DHRSX: variants seen among roughly 807,000 people sequenced by gnomAD.
DHRSX encodes dehydrogenase/reductase X-linked.
In DHRSX, 31 loss-of-function variants were observed where a neutral mutation model predicts 34.0. That is an observed-to-expected ratio of 0.91 (90% CI 0.69 to 1.23). The LOEUF is 1.23. Among genes scored for constraint, DHRSX ranks in the 50% most tolerant of loss-of-function variants. The probability of loss-of-function intolerance (pLI) is 0.00; values close to 1 mark genes in which losing one functional copy is unlikely to be tolerated. For missense variants in DHRSX, 414 were observed against 428.1 expected (o/e 0.97, Z 0.29); for synonymous variants, 201 against 183.8 (o/e 1.09, Z -0.76).
chrX:2,398,311 C>T (rs1237922342), intron 3 of DHRSX, among the ~76,000 whole-genome samples: 1 of 152,170 alleles, frequency 6.6e-6, no homozygotes, highest in East Asian at 1.9e-4. Flanking sequence ...GTCAGAGCAC[C>T]TCTAACCTCT....
At chrX:2,499,870 C>T (rs972927974) in intron 1 of DHRSX, among the ~76,000 whole-genome samples, 9 of 152,114 alleles carry the variant, frequency 5.9e-5, no homozygotes, top group Non-Finnish European at 1.2e-4. Flanking sequence ...CATAGCAAGA[C>T]CCCGTCTACA....
chrX:2,447,744 T>C (rs1331773828), intron 1 of DHRSX, among the ~76,000 whole-genome samples: 2 of 138,116 alleles, frequency 1.4e-5, no homozygotes, highest in Non-Finnish European at 3.1e-5. Context: ...TGGATGGGAC[T>C]GGAAAATACA....
intron 3 of DHRSX, among the ~76,000 whole-genome samples, chrX:2,292,501 T>C (rs2041878719): frequency 6.6e-6 from 1 of 152,154 alleles, no homozygotes; most frequent in East Asian, 1.9e-4. Context: ...TGTGGGTTAT[T>C]TTGTTACACA....
chrX:2,378,349 T>A (rs764415964), intron 3 of DHRSX, among the ~76,000 whole-genome samples: 3 of 152,278 alleles, frequency 2.0e-5, no homozygotes, highest in East Asian at 3.9e-4. Flanking sequence ...GCCTCCCCTA[T>A]GACAGTGGAC....
At chrX:2,293,188 C>G (rs1314084703) in intron 3 of DHRSX, among the ~76,000 whole-genome samples, 2 of 150,604 alleles carry the variant, frequency 1.3e-5, no homozygotes, top group African/African-American at 4.9e-5. Flanking sequence ...CAACTTCACT[C>G]TTTCTCTCTA....
intron 3 of DHRSX, 24 bp downstream of exon 3, chrX:2,408,721 A>C: frequency 1.3e-6 from 2 of 1,586,652 alleles, no homozygotes; most frequent in Non-Finnish European, 1.7e-6. Context: ...AACAAAAAAA[A>C]GCCATTGGAG....
At chrX:2,378,956 G>A (rs1327833573) in intron 3 of DHRSX, among the ~76,000 whole-genome samples, 15 of 152,112 alleles carry the variant, frequency 9.9e-5, no homozygotes, top group Non-Finnish European at 1.8e-4. Context: ...ACAGGCGTGA[G>A]CCACCGCGCC....
At chrX:2,305,958 C>G (rs1315517115) in intron 3 of DHRSX, among the ~76,000 whole-genome samples, 1 of 151,894 alleles carries the variant, frequency 6.6e-6, no homozygotes, top group Non-Finnish European at 1.5e-5. Context: ...CCTGCATGTT[C>G]TGCACATGTA....
chrX:2,373,139 C>A (rs1188221245), intron 3 of DHRSX, among the ~76,000 whole-genome samples: 1 of 152,166 alleles, frequency 6.6e-6, no homozygotes, highest in African/African-American at 2.4e-5. Context: ...GGGGAACTTC[C>A]ATTTATAAAA....
intron 3 of DHRSX, among the ~76,000 whole-genome samples, chrX:2,317,295 A>G (rs1951671240): frequency 1.6e-5 from 2 of 121,664 alleles, no homozygotes; most frequent in South Asian, 5.1e-4. Flanking sequence ...TGTGTGGCCC[A>G]GGCTAGAGTG....
intron 6 of DHRSX, among the ~76,000 whole-genome samples, chrX:2,234,836 G>A (rs1341570431): frequency 2.2e-4 from 34 of 152,208 alleles, no homozygotes; most frequent in South Asian, 4.1e-4. Context: ...TCAGCTTCCC[G>A]AGTAGCTGGG....
intron 3 of DHRSX, among the ~76,000 whole-genome samples, chrX:2,292,094 C>G (rs762619776): frequency 1.3e-5 from 2 of 152,190 alleles, no homozygotes; most frequent in Admixed American, 1.3e-4. Context: ...AGCTCATACT[C>G]TAGGGAGATC....
intron 5 of DHRSX, among the ~76,000 whole-genome samples, chrX:2,248,881 C>G (rs2016366310): frequency 6.6e-6 from 1 of 152,176 alleles, no homozygotes; most frequent in Non-Finnish European, 1.5e-5. Context: ...CGTCGTTGAA[C>G]CTAAGCATAA....
rs755389384 is a variant in DHRSX, at chrX:2,439,136, A to G, written c.110-13832T>C. 3.3e-5 allele frequency among the ~76,000 whole-genome samples: 5 copies of G among 149,968 alleles called. No individual in the cohort carries two copies. In the South Asian group the frequency reaches 8.4e-4, roughly 25 times the overall value. ...CTCCAGCCTGGGTGACAAGAGCGAG[A>G]CTTTTTTGTCTCAAAAAAAAAAAAG... On this transcript the variant is annotated intron_variant, in intron 1 of 6. Coordinates refer to ENST00000334651, the MANE Select transcript of DHRSX (RefSeq NM_145177.3).
At chrX:2,444,283 C>T (rs6642167) in intron 1 of DHRSX, among the ~76,000 whole-genome samples, 40,693 of 152,000 alleles carry the variant, frequency 0.27, 6,220 homozygotes, top group South Asian at 0.42. Flanking sequence ...AGCACACACC[C>T]CTTAAGATAT....
chrX:2,249,513 CTTTTTTTTT>C (rs753035485), intron 5 of DHRSX, among the ~76,000 whole-genome samples: 1,533 of 70,078 alleles, frequency 0.022, 43 homozygotes, highest in African/African-American at 0.07. Flanking sequence ...CTTTTTGTGC[CTTTTTTTTT>C]TTTTTTTTTT....
chrX:2,259,381 T>TAGATATATATATATAG (rs1227194460), intron 5 of DHRSX, among the ~76,000 whole-genome samples: 1 of 60,600 alleles, frequency 1.7e-5, no homozygotes, highest in Non-Finnish European at 4.0e-5. Flanking sequence ...TATAGATATA[T>TAGATATATATATATAG]ATATAGATAT....
intron 1 of DHRSX, among the ~76,000 whole-genome samples, chrX:2,485,789 A>AGAAAGAAAGAAGG (rs2044895476): frequency 7.8e-5 from 2 of 25,726 alleles, no homozygotes; most frequent in Non-Finnish European, 1.3e-4. Context: ...GAAAAGGGAG[A>AGAAAGAAAGAAGG]GAAGGGAGAG....
rs201805420 is a variant in DHRSX, at chrX:2,231,710, CTCT to C, written c.805-10484_805-10482del. Among the ~76,000 whole-genome samples, 519 of 148,080 alleles carry C rather than the reference CTCT, an allele frequency of 3.5e-3. 3 individuals carry two copies. Among genetic ancestry groups the C allele is most frequent in the African/African-American group, 0.011 (447 of 39,146 alleles). On this transcript the variant is annotated intron_variant, in intron 6 of 6. Coordinates refer to ENST00000334651, the MANE Select transcript of DHRSX (RefSeq NM_145177.3). ...CTTCTTGCCTTTTCACTCTCTATTCCTCTTTTTTTCTCCTCCATCTTCTCTTCT... is the reference window on the plus strand; with the variant it reads ...CTTCTTGCCTTTTCACTCTCTATTCCTTTTTTCTCCTCCATCTTCTCTTCT...
Sources: allele counts gnomAD v4.1 joint callset (sites outside exome capture counted in the v4.1 genomes callset), GRCh38; gene constraint gnomAD v4.1.1; transcripts MANE v1.5; gene names NCBI Gene and HGNC (gene_info 2026-07-23, HGNC 2026-07-21).